MACC1: variants seen among roughly 807,000 people sequenced by gnomAD.
The protein encoded by MACC1 is MET transcriptional regulator MACC1, also known as metastasis-associated in colon cancer protein 1.
A neutral mutation model predicts 70.7 loss-of-function variants in MACC1; 79 were observed. The ratio of observed to expected loss-of-function variants is 1.12; its 90% CI spans 0.93 to 1.35. The LOEUF is 1.35. Ranked by LOEUF, MACC1 falls within the 40% of genes most tolerant of loss-of-function variation. The pLI is 0.00. For synonymous variants in MACC1, 361 were observed against 347.2 expected, an observed-to-expected ratio of 1.04 and a Z score of -0.44; for missense variants, 1,106 against 978.1, an observed-to-expected ratio of 1.13 and a Z score of -1.74.
chr7:20,166,193 T>C (rs1426251854), intron 2 of MACC1, among the ~76,000 whole-genome samples: 1 of 152,200 alleles, frequency 6.6e-6, no homozygotes, highest in Non-Finnish European at 1.5e-5. Flanking sequence ...GTACTGTATT[T>C]AACTCTTGAT....
chr7:20,163,931 T>A (rs1782173742), intron 3 of MACC1, among the ~76,000 whole-genome samples: 1 of 152,158 alleles, frequency 6.6e-6, no homozygotes, highest in South Asian at 2.1e-4. Flanking sequence ...TTTTTTAAAT[T>A]ATCATTATTT....
At chr7:20,214,835 T>C (rs547422719) in intron 1 of MACC1, among the ~76,000 whole-genome samples, 2 of 152,280 alleles carry the variant, frequency 1.3e-5, no homozygotes, top group South Asian at 4.1e-4. Context: ...TTTCCGAAAA[T>C]CATTTAATGT....
In MACC1 at chr7:20,140,826, GAC is replaced by G. The variant is rs770888163; in HGVS notation, c.*118_*119del. ...CTACACACACACACACACACACACA[GAC>G]ACACACACACAGACACACACACACA... On this transcript the variant is annotated 3_prime_UTR_variant, in exon 7 of 7. Transcript: ENST00000400331. The G allele has an allele frequency of 6.9e-4, 367 of 529,238 alleles. No homozygotes were observed. Among genetic ancestry groups the G allele is most frequent in the South Asian group, 1.6e-3 (58 of 37,106 alleles). 32.8% of individuals were successfully genotyped at this position (529,238 alleles called of 1,614,324 possible). A position where few individuals can be genotyped will look rare whatever the true frequency, so the allele number is the denominator to read the frequency against.
intron 6 of MACC1, among the ~76,000 whole-genome samples, chr7:20,146,594 G>T (rs1251401736): frequency 3.3e-5 from 5 of 152,190 alleles, no homozygotes; most frequent in Admixed American, 1.3e-4. Context: ...TCCTCCGAAG[G>T]CTAGAAAGGA....
At chr7:20,215,567 T>C (rs1195737105) in intron 1 of MACC1, among the ~76,000 whole-genome samples, 1 of 152,232 alleles carries the variant, frequency 6.6e-6, no homozygotes, top group Non-Finnish European at 1.5e-5. Context: ...TTTATTAATA[T>C]ATGGCATATC....
At chr7:20,147,763 G>A (rs1781915114) in intron 6 of MACC1, among the ~76,000 whole-genome samples, 1 of 152,132 alleles carries the variant, frequency 6.6e-6, no homozygotes, top group African/African-American at 2.4e-5. Context: ...ATAACCACTT[G>A]GAACTTCAGG....
intron 1 of MACC1, among the ~76,000 whole-genome samples, chr7:20,206,538 A>C (rs944771771): frequency 1.3e-5 from 2 of 152,084 alleles, no homozygotes; most frequent in African/African-American, 2.4e-5. Flanking sequence ...CATTAATGTT[A>C]TTACATCAGA....
chr7:20,190,523 A>G (rs1438928013), intron 1 of MACC1, among the ~76,000 whole-genome samples: 1 of 152,200 alleles, frequency 6.6e-6, no homozygotes, highest in Non-Finnish European at 1.5e-5. Context: ...GCAAATAAAC[A>G]TTTCTCTTTG....
At chr7:20,162,996 C>G (rs554552376) in intron 3 of MACC1, among the ~76,000 whole-genome samples, 1 of 152,094 alleles carries the variant, frequency 6.6e-6, no homozygotes, top group East Asian at 1.9e-4. Flanking sequence ...AAAACTAGGA[C>G]AATTTATTTT....
intron 2 of MACC1, among the ~76,000 whole-genome samples, chr7:20,167,804 C>CA (rs1562589366): frequency 6.6e-6 from 1 of 152,116 alleles, no homozygotes; most frequent in South Asian, 2.1e-4. Flanking sequence ...TGCAATAACA[C>CA]AGAGCCCCAC....
intron 1 of MACC1, among the ~76,000 whole-genome samples, chr7:20,185,953 C>G (rs952917796): frequency 2.6e-5 from 4 of 152,172 alleles, no homozygotes; most frequent in Non-Finnish European, 5.9e-5. Context: ...AGATTCTTGC[C>G]CCAGGGTCCA....
chr7:20,198,395 G>C (rs189871789), intron 1 of MACC1: 2 of 152,208 alleles, frequency 1.3e-5, no homozygotes, highest in Admixed American at 6.5e-5. Context: ...AGCATATCAT[G>C]CTAGTCCAGG....
At chr7:20,200,139 A>G (rs1432733101) in intron 1 of MACC1, among the ~76,000 whole-genome samples, 2 of 152,064 alleles carry the variant, frequency 1.3e-5, no homozygotes, top group East Asian at 3.8e-4. Context: ...CACAATAAAC[A>G]CCTAGGAGTG....
chr7:20,161,906 T>C (rs200994264), intron 3 of MACC1, 36 bp from the exon 4 acceptor site: 2 of 1,228,626 alleles, frequency 1.6e-6, no homozygotes, highest in Non-Finnish European at 2.4e-6. Context: ...TTTGTAAGCA[T>C]ACATATACAG....
intron 1 of MACC1, among the ~76,000 whole-genome samples, chr7:20,214,369 G>A (rs1343112365): frequency 6.6e-6 from 1 of 151,820 alleles, no homozygotes; most frequent in Non-Finnish European, 1.5e-5. Context: ...CCTAATTCTT[G>A]TGCTTGATAT....
At chr7:20,155,012 G>C (rs1171359920) in intron 5 of MACC1, among the ~76,000 whole-genome samples, 1 of 151,660 alleles carries the variant, frequency 6.6e-6, no homozygotes, top group Non-Finnish European at 1.5e-5. Context: ...CCAATATAAT[G>C]GTATTAAACA....
intron 6 of MACC1, among the ~76,000 whole-genome samples, chr7:20,143,172 C>G (rs577809794): frequency 6.6e-6 from 1 of 152,128 alleles, no homozygotes; most frequent in Non-Finnish European, 1.5e-5. Flanking sequence ...GCCTATCTTG[C>G]GGCAGGACTG....
Position 20,160,224 on chromosome 7 carries a change from A to G in MACC1, c.137T>C (p.Leu46Pro). ...GGTGAAAGCATCCGGCCAATTGTGA[A>G]GCAAGTCTGGGTCCTGGCATTCTTG... is the stretch of plus-strand genomic sequence containing the variant. Reference protein sequence around the residue: ...NITECQDPDLLHNWPDAFTLR... With the variant: ...NITECQDPDLPHNWPDAFTLR... The change falls in exon 5 of 7, where the codon CTT (leucine) becomes CCT (proline). Residue 46 changes from leucine (L) to proline (P), a missense_variant. Transcript: ENST00000400331. The G allele has an allele frequency of 6.3e-7, 1 of 1,579,200 alleles. No individual in the cohort carries two copies. Among genetic ancestry groups the G allele is most frequent in the Non-Finnish European group, 8.6e-7 (1 of 1,167,520 alleles).
intron 6 of MACC1, among the ~76,000 whole-genome samples, chr7:20,143,955 C>T (rs147250803): frequency 5.6e-4 from 86 of 152,234 alleles, no homozygotes; most frequent in African/African-American, 2.0e-3. Flanking sequence ...GTAAACTTTA[C>T]GATTTACACT....
Sources: allele counts gnomAD v4.1 joint callset (sites outside exome capture counted in the v4.1 genomes callset), GRCh38; gene constraint gnomAD v4.1.1; transcripts MANE v1.5; gene names NCBI Gene and HGNC (gene_info 2026-07-23, HGNC 2026-07-21).